Variants in CREB3L2 observed in about 807,000 individuals in gnomAD.
CREB3L2 encodes cyclic AMP-responsive element-binding protein 3-like protein 2.
In CREB3L2, 23 loss-of-function variants were observed where a neutral mutation model predicts 57.2. The ratio of observed to expected loss-of-function variants is 0.40; its 90% CI spans 0.29 to 0.57. The LOEUF is 0.57. CREB3L2 is among the 20% of genes least tolerant of loss of function. The pLI is 0.42. For missense variants in CREB3L2, 628 were observed against 634.7 expected, an observed-to-expected ratio of 0.99 and a Z score of 0.11; for synonymous variants, 268 against 265.1, an observed-to-expected ratio of 1.01 and a Z score of -0.11.
chr7:137,907,117 G>C (rs1799906906), intron 5 of CREB3L2, among the ~76,000 whole-genome samples: 1 of 152,226 alleles, frequency 6.6e-6, no homozygotes. Context: ...ACATAAGAGA[G>C]AGGAGTGCAT....
intron 1 of CREB3L2, among the ~76,000 whole-genome samples, chr7:137,952,214 A>T (rs1801115683): frequency 6.6e-6 from 1 of 152,224 alleles, no homozygotes; most frequent in South Asian, 2.1e-4. Context: ...CAAAAAGGTA[A>T]TTAAAACCAT....
At chr7:137,915,722 G>T in intron 3 of CREB3L2, 115 bp downstream of exon 3, 1 of 832,794 alleles carries the variant, frequency 1.2e-6, no homozygotes, top group Non-Finnish European at 1.9e-6. Flanking sequence ...GAAGTTGCAT[G>T]TCCTTAAATG....
At chr7:137,933,254 G>A (rs1214416253) in intron 1 of CREB3L2, among the ~76,000 whole-genome samples, 1 of 152,204 alleles carries the variant, frequency 6.6e-6, no homozygotes, top group Non-Finnish European at 1.5e-5. Flanking sequence ...CACAGTCCCT[G>A]CATTTCCAAG....
At position 137,957,106 on chromosome 7, in the gene CREB3L2, C is replaced by A. The variant is rs185859998; in HGVS notation, c.103-28740G>T. Among the ~76,000 whole-genome samples the A allele has an allele frequency of 2.0e-5, 3 of 152,150 alleles. No individual in the cohort carries two copies. In the East Asian group the frequency reaches 5.8e-4, roughly 29 times the overall value. ...CTGGTCTAGTCAGATGTAATGATGACGTGGAGTTCCCTGAACACAGCGCTC... is the reference window on the plus strand; with the variant it reads ...CTGGTCTAGTCAGATGTAATGATGAAGTGGAGTTCCCTGAACACAGCGCTC... On this transcript the variant is annotated intron_variant, in intron 1 of 11. Transcript: ENST00000330387.
In CREB3L2 at chr7:137,883,837, C is replaced by T. The variant is rs145620186; in HGVS notation, c.1270+1158G>A. Among the ~76,000 whole-genome samples the T allele has an allele frequency of 1.5e-3, 229 of 152,332 alleles. 2 individuals carry two copies. The highest frequency in any genetic ancestry group is 5.1e-3 in the African/African-American group (213 of 41,570). ...CCTCAGATAAGGGGGGACTACTGTA[C>T]TGCCTAACCCCATGCTCATTCCTAT... On this transcript the variant is annotated intron_variant, in intron 10 of 11. Transcript: ENST00000330387.
chr7:137,938,535 G>A (rs991373919), intron 1 of CREB3L2, among the ~76,000 whole-genome samples: 19 of 151,906 alleles, frequency 1.3e-4, no homozygotes, highest in African/African-American at 4.4e-4. Flanking sequence ...TAGTAGAGAC[G>A]GGGTTTCACC....
chr7:137,999,716 T>C (rs972743566), intron 1 of CREB3L2: 2 of 152,194 alleles, frequency 1.3e-5, no homozygotes, highest in African/African-American at 4.8e-5. Flanking sequence ...CAATACCTCT[T>C]TCAACAGTAA....
Position 137,908,137 on chromosome 7 carries a change from C to A in CREB3L2, c.768+115G>T, listed in dbSNP as rs1015509660. 1.1e-5 allele frequency: 8 copies of A among 735,826 alleles called. No individual in the cohort carries two copies. The South Asian group carries it at 5.0e-4, about 46-fold the overall frequency. 45.6% of individuals were successfully genotyped at this position (735,826 alleles called of 1,614,324 possible). A position where few individuals can be genotyped will look rare whatever the true frequency, so the allele number is the denominator to read the frequency against. On this transcript the variant is annotated intron_variant, in intron 5 of 11. Coordinates refer to ENST00000330387, the MANE Select transcript of CREB3L2 (RefSeq NM_194071.4). ...CTCTGCTTTCGCCATTAAGCAGAAA[C>A]TTCTTGACAAAAGTAAAAACCAAAC...
intron 4 of CREB3L2, among the ~76,000 whole-genome samples, chr7:137,909,964 C>G (rs1799972850): frequency 6.6e-6 from 1 of 152,194 alleles, no homozygotes; most frequent in Non-Finnish European, 1.5e-5. Flanking sequence ...TGCCTGACGC[C>G]TTGTAAAATG....
chr7:137,934,792 C>A (rs1446227363), intron 1 of CREB3L2, among the ~76,000 whole-genome samples: 1 of 152,200 alleles, frequency 6.6e-6, no homozygotes, highest in African/African-American at 2.4e-5. Context: ...CCAAAGGATT[C>A]AAGCAACATC....
chr7:137,986,688 TG>T (rs1189612105), intron 1 of CREB3L2, among the ~76,000 whole-genome samples: 1 of 151,664 alleles, frequency 6.6e-6, no homozygotes, highest in Admixed American at 6.6e-5. Flanking sequence ...ACTGGGAGGG[TG>T]GGAATAAGAA....
intron 1 of CREB3L2, among the ~76,000 whole-genome samples, chr7:137,941,053 T>A (rs1176151452): frequency 6.6e-6 from 1 of 152,162 alleles, no homozygotes; most frequent in Admixed American, 6.5e-5. Context: ...ATGCCCCACC[T>A]CTCTGGAATG....
chr7:137,884,544 G>A (rs940946634), intron 10 of CREB3L2: 5 of 245,982 alleles, frequency 2.0e-5, no homozygotes, highest in South Asian at 6.5e-5. Context: ...CACCACGCCC[G>A]GCCCTGACCT....
chr7:137,963,509 T>C (rs1801359134), intron 1 of CREB3L2, among the ~76,000 whole-genome samples: 1 of 152,268 alleles, frequency 6.6e-6, no homozygotes, highest in Non-Finnish European at 1.5e-5. Flanking sequence ...TTCTAGCTTC[T>C]GGATACATTA....
chr7:137,939,425 T>C (rs1443317723), intron 1 of CREB3L2, among the ~76,000 whole-genome samples: 1 of 152,172 alleles, frequency 6.6e-6, no homozygotes, highest in African/African-American at 2.4e-5. Context: ...AATTGTAACT[T>C]GGGCCTGAGA....
intron 1 of CREB3L2, among the ~76,000 whole-genome samples, chr7:137,987,640 T>A (rs1801814652): frequency 6.6e-6 from 1 of 152,240 alleles, no homozygotes; most frequent in Non-Finnish European, 1.5e-5. Flanking sequence ...GGGAGCTTTT[T>A]GTATTTCTGC....
At chr7:137,891,583 T>G (rs1339626197) in intron 8 of CREB3L2, among the ~76,000 whole-genome samples, 2 of 151,920 alleles carry the variant, frequency 1.3e-5, no homozygotes, top group Non-Finnish European at 1.5e-5. Context: ...ATACTTTCTT[T>G]TTTTTTTTTG....
chr7:137,989,452 G>A (rs200898432), intron 1 of CREB3L2, among the ~76,000 whole-genome samples: 3 of 19,486 alleles, frequency 1.5e-4, no homozygotes, highest in Non-Finnish European at 3.8e-4. Flanking sequence ...TTTTTTTTTT[G>A]ATGATTCTTT....
chr7:137,977,429 G>A (rs1038496936), intron 1 of CREB3L2, among the ~76,000 whole-genome samples: 1 of 152,116 alleles, frequency 6.6e-6, no homozygotes, highest in Non-Finnish European at 1.5e-5. Flanking sequence ...TACTTACAAG[G>A]GTTGGGAAAA....
Sources: gnomAD v4.1 joint callset for allele counts (sites outside exome capture counted in the v4.1 genomes callset) on GRCh38, gnomAD v4.1.1 for gene constraint, MANE v1.5 for transcripts, NCBI Gene and HGNC (gene_info 2026-07-23, HGNC 2026-07-21) for gene names.